P2RX7: variants seen among roughly 807,000 people sequenced by gnomAD.
P2RX7 encodes purinergic receptor P2X 7.
Under a neutral mutation model 71.6 loss-of-function variants are expected in P2RX7, and 62 were observed. The ratio of observed to expected loss-of-function variants is 0.87; its 90% CI spans 0.71 to 1.07. P2RX7 has a LOEUF of 1.07. Among genes scored for constraint, P2RX7 ranks in the 50% least tolerant of loss-of-function variants. The pLI is 0.00. For missense variants in P2RX7, 686 were observed against 748.5 expected (o/e 0.92, Z 0.97); for synonymous variants, 299 against 283.3 (o/e 1.06, Z -0.56).
Position 121,160,173 on chromosome 12 carries a change from G to A in P2RX7, c.364-729G>A, listed in dbSNP as rs575508177. On this transcript the variant is annotated intron_variant, in intron 3 of 12. Transcript: ENST00000328963. The stretch of plus-strand genomic sequence containing the variant: ...TCCTTTCTTTCTTTTTTTAGGTGGA[G>A]TTTTGCTCTTGTCACCCAGGCTGGA... 2.4e-3 allele frequency among the ~76,000 whole-genome samples: 345 copies of A among 145,354 alleles called. 2 individuals carry two copies. Among genetic ancestry groups the A allele is most frequent in the African/African-American group, 8.2e-3 (321 of 39,064 alleles).
Position 121,165,368 on chromosome 12 carries a change from T to C in P2RX7, c.545T>C (p.Leu182Ser). 3 of 1,614,022 alleles carry C rather than the reference T, an allele frequency of 1.9e-6. No homozygotes were observed. The highest frequency in any genetic ancestry group is 2.5e-6 in the Non-Finnish European group (3 of 1,179,926). The stretch of plus-strand genomic sequence containing the variant: ...TGTCTCTCTCCCAGGCCTGCTCTCT[T>C]GAACAGTGCCGAAAACTTCACTGTG... Reference protein sequence around the residue: ...AVEEAPRPALLNSAENFTVLI... With the variant: ...AVEEAPRPALSNSAENFTVLI... The change falls in exon 6 of 13, where the codon TTG becomes TCG. Residue 182 changes from leucine to serine, a missense_variant. Coordinates refer to ENST00000328963, the MANE Select transcript of P2RX7 (RefSeq NM_002562.6).
chr12:121,157,288 G>A (rs965267777), intron 3 of P2RX7, among the ~76,000 whole-genome samples: 7 of 152,204 alleles, frequency 4.6e-5, no homozygotes, highest in African/African-American at 7.2e-5. Flanking sequence ...TGGCAACAAG[G>A]TCTAGCTTCC....
Position 121,187,007 on chromosome 12 carries a change from C to A in P2RX7, c.*2205C>A, listed in dbSNP as rs1246856171. The stretch of plus-strand genomic sequence containing the variant: ...GGGTGCTAGCTGCTTCAAAAGCAAC[C>A]CACACCACACTTTTACCATTTCCAT... On this transcript the variant is annotated 3_prime_UTR_variant, in exon 13 of 13. Transcript: ENST00000328963. 1.3e-5 allele frequency: 2 copies of A among 152,200 alleles called. No individual in the cohort carries two copies. Among genetic ancestry groups the A allele is most frequent in the Non-Finnish European group, 2.9e-5 (2 of 68,032 alleles). The allele number at this position is 152,200 out of a possible 1,614,324, so 9.4% of individuals were successfully genotyped here.
intron 9 of P2RX7, among the ~76,000 whole-genome samples, chr12:121,176,751 CAA>C (rs34853051): frequency 7.3e-5 from 5 of 68,758 alleles, no homozygotes; most frequent in Non-Finnish European, 8.7e-5. Flanking sequence ...GACTCTGTCT[CAA>C]AAAAAAAAAA....
In P2RX7 at chr12:121,177,224, T is replaced by C. The variant is rs1883305113; in HGVS notation, c.1038+12T>C. On this transcript the variant is annotated intron_variant, in intron 10 of 12. Coordinates refer to ENST00000328963, the MANE Select transcript of P2RX7 (RefSeq NM_002562.6). ...CCTACTTCGGTCTGGTAAGAGATTC[T>C]CTTTTCCATGCTTTAGGAAAATGGT... 1 of 1,614,214 alleles carries C rather than the reference T, an allele frequency of 6.2e-7. No individual in the cohort carries two copies. The highest frequency in any genetic ancestry group is 1.1e-5 in the South Asian group (1 of 91,088).
At chr12:121,159,244 C>T (rs527559855) in intron 3 of P2RX7, among the ~76,000 whole-genome samples, 12 of 151,882 alleles carry the variant, frequency 7.9e-5, no homozygotes, top group Non-Finnish European at 1.3e-4. Context: ...TGGGGAAACA[C>T]CGTCTCTACT....
rs186395185 is a variant in P2RX7 at position 121,150,170 on chromosome 12, T to G, written c.126-4615T>G. On this transcript the variant is annotated intron_variant, in intron 1 of 12. Transcript: ENST00000328963. ...TACAAACTCACTTTCATGATCACAG[T>G]ATCCCCCCCGACAGGTAAAGTGTGC... is the stretch of plus-strand genomic sequence containing the variant. Among the ~76,000 whole-genome samples, 345 of 152,296 alleles carry G rather than the reference T, an allele frequency of 2.3e-3. 2 individuals are homozygous for G. Among genetic ancestry groups the G allele is most frequent in the African/African-American group, 7.7e-3 (321 of 41,572 alleles).
rs1878292172 is a variant in P2RX7 at position 121,155,055 on chromosome 12, T to C, written c.294+102T>C. On this transcript the variant is annotated intron_variant, in intron 2 of 12. Transcript: ENST00000328963. ...TACAGCCTCACTCCAGAAAAAACGC[T>C]GGTCCTATTTTAAAAGCTCTGTGAA... 4 of 1,535,126 alleles carry C rather than the reference T, an allele frequency of 2.6e-6. No homozygotes were observed. In the East Asian group the frequency reaches 6.8e-5, roughly 26 times the overall value.
At chr12:121,158,372 C>G (rs147435951) in intron 3 of P2RX7, among the ~76,000 whole-genome samples, 1 of 152,094 alleles carries the variant, frequency 6.6e-6, no homozygotes, top group Non-Finnish European at 1.5e-5. Flanking sequence ...CAATTGGCAC[C>G]CAGGGATAGC....
intron 4 of P2RX7, among the ~76,000 whole-genome samples, chr12:121,161,998 A>G (rs900675529): frequency 1.3e-5 from 2 of 152,158 alleles, no homozygotes; most frequent in Non-Finnish European, 2.9e-5. Context: ...CTGATTAATC[A>G]TCCTGGCACT....
At chr12:121,134,746 T>C (rs1179180610) in intron 1 of P2RX7, among the ~76,000 whole-genome samples, 2 of 152,156 alleles carry the variant, frequency 1.3e-5, no homozygotes, top group East Asian at 1.9e-4. Context: ...TGGTAGTTCA[T>C]TGTGGTTGTG....
chr12:121,160,912 G>T lies in P2RX7; in HGVS notation c.374G>T (p.Arg125Leu), dbSNP rs201668926. Reference protein sequence around the residue: ...EQRLCPEYPTRRTLCSSDRGC... With the variant: ...EQRLCPEYPTLRTLCSSDRGC... ...TCCTTCTATCTGCAGTATCCCACCC[G>T]CAGGACGCTCTGTTCCTCTGACCGA... The change falls in exon 4 of 13, where the codon CGC becomes CTC. Residue 125 changes from arginine to leucine, a missense_variant. Physicochemically the swap from Arg to Leu is moderately radical, Grantham distance 102. Coordinates refer to ENST00000328963, the MANE Select transcript of P2RX7 (RefSeq NM_002562.6). 1 of 1,613,466 alleles carries T rather than the reference G, an allele frequency of 6.2e-7. No homozygotes were observed.
chr12:121,137,142 T>C (rs906113278), intron 1 of P2RX7, among the ~76,000 whole-genome samples: 15 of 152,226 alleles, frequency 9.9e-5, no homozygotes, highest in Admixed American at 4.6e-4. Context: ...AATGCAATGA[T>C]TCAGCAACCG....
chr12:121,177,517 A>C, intron 11 of P2RX7, 71 bp downstream of exon 11: 1 of 1,449,164 alleles, frequency 6.9e-7, no homozygotes, highest in South Asian at 1.1e-5. Flanking sequence ...AATGCACGAA[A>C]ATTAGGCCCA....
chr12:121,139,488 A>G (rs1022087004), intron 1 of P2RX7, among the ~76,000 whole-genome samples: 1 of 152,164 alleles, frequency 6.6e-6, no homozygotes, highest in Admixed American at 6.5e-5. Flanking sequence ...ACATGAGCCT[A>G]TGCTGTCATT....
rs555345569 is a variant in P2RX7, at chr12:121,180,397, T to A, written c.1232T>A (p.Met411Lys). ...TTTGTGGATGAATCCCACATTAGGA[T>A]GGTGAACCAGCAGCTACTAGGGAGA... Reference protein sequence around the residue: ...VSFVDESHIRMVNQQLLGRSL... With the variant: ...VSFVDESHIRKVNQQLLGRSL... The change falls in exon 12 of 13, where the codon ATG becomes AAG. Residue 411 changes from methionine to lysine, a missense_variant. Met to Lys is a moderately conservative substitution (Grantham distance 95). Transcript: ENST00000328963. 1 of 1,608,188 alleles carries A rather than the reference T, an allele frequency of 6.2e-7. No homozygotes were observed. Among genetic ancestry groups the A allele is most frequent in the East Asian group, 2.2e-5 (1 of 44,748 alleles).
chr12:121,143,121 C>G (rs1313885645), intron 1 of P2RX7, among the ~76,000 whole-genome samples: 1 of 148,292 alleles, frequency 6.7e-6, no homozygotes, highest in Non-Finnish European at 1.5e-5. Context: ...TGGCTCACAT[C>G]TGTAATCCCA....
In P2RX7 at chr12:121,165,736, C is replaced by T. The variant is rs137998093; in HGVS notation, c.614+299C>T. The stretch of plus-strand genomic sequence containing the variant: ...CTCACCACGTGAACCTCGCCCTAGA[C>T]CACTTGAGTATCCTTGGTATATGGT... On this transcript the variant is annotated intron_variant, in intron 6 of 12. Transcript: ENST00000328963. Among the ~76,000 whole-genome samples the T allele has an allele frequency of 1.7e-3, 258 of 152,288 alleles. 1 individual carries two copies. The highest frequency in any genetic ancestry group is 5.8e-3 in the African/African-American group (240 of 41,554).
In P2RX7 at chr12:121,149,027, C is replaced by A. The variant is rs1237196447; in HGVS notation, c.126-5758C>A. 5.3e-6 allele frequency: 3 copies of A among 564,070 alleles called. No homozygotes were observed. The highest frequency in any genetic ancestry group is 1.5e-5 in the South Asian group (1 of 68,440). The allele number at this position is 564,070 out of a possible 1,614,324, so 34.9% of individuals were successfully genotyped here. A position where few individuals can be genotyped will look rare whatever the true frequency, so the allele number is the denominator to read the frequency against. ...CCAGGGGCTGTAAGACGGAGAGGAA[C>A]TTTGCTGAAAGGGAGGTCCTCCCTG... On this transcript the variant is annotated intron_variant, in intron 1 of 12. Coordinates refer to ENST00000328963, the MANE Select transcript of P2RX7 (RefSeq NM_002562.6). This position sits in a 1 kb window ranked among gnomAD's most constrained non-coding sequence, Gnocchi z 4.7.
Sources: allele counts gnomAD v4.1 joint callset (sites outside exome capture counted in the v4.1 genomes callset), GRCh38; gene constraint gnomAD v4.1.1; non-coding constraint Gnocchi (gnomAD v3.1); transcripts MANE v1.5; gene names NCBI Gene and HGNC (gene_info 2026-07-23, HGNC 2026-07-21).